Variants in MBTD1 observed in about 807,000 individuals in gnomAD.
MBTD1 encodes MBT domain-containing protein 1.
In MBTD1, 24 loss-of-function variants were observed where a neutral mutation model predicts 87.8. The observed-to-expected ratio is 0.27, with a 90% confidence interval of 0.20 to 0.38. The LOEUF (loss-of-function observed/expected upper bound fraction) is 0.38, where lower values mean the gene tolerates loss of function less well. Ranked by LOEUF, MBTD1 falls within the 10% of genes least tolerant of loss-of-function variation. MBTD1 has a pLI of 1.00. For missense variants in MBTD1, 436 were observed against 760.2 expected (o/e 0.57, Z 5.02); for synonymous variants, 237 against 248.6 (o/e 0.95, Z 0.44).
intron 2 of MBTD1, among the ~76,000 whole-genome samples, chr17:51,231,710 C>G (rs1345473672): frequency 6.6e-6 from 1 of 152,106 alleles, no homozygotes; most frequent in African/African-American, 2.4e-5. Context: ...TCTGACTGTC[C>G]TAAGTATTGG....
chr17:51,214,158 G>A (rs1366921170), intron 6 of MBTD1, among the ~76,000 whole-genome samples: 2 of 151,324 alleles, frequency 1.3e-5, no homozygotes, highest in Non-Finnish European at 2.9e-5. Context: ...GTAGAGACAA[G>A]GTCTTGCTAT....
rs1293980616 is a variant in MBTD1, at chr17:51,259,999, C to T, written c.-277G>A. The T allele has an allele frequency of 5.5e-6, 3 of 545,050 alleles. No homozygotes were observed. The highest frequency in any genetic ancestry group is 8.3e-6 in the Non-Finnish European group (3 of 361,082). The allele number at this position is 545,050 out of a possible 1,614,324, so 33.8% of individuals were successfully genotyped here. A position where few individuals can be genotyped will look rare whatever the true frequency, so the allele number is the denominator to read the frequency against. On this transcript the variant is annotated 5_prime_UTR_variant, in exon 1 of 17. Coordinates refer to ENST00000586178, the MANE Select transcript of MBTD1 (RefSeq NM_017643.3). ...CCAGACCGGTGGCGGGTGCAGCAGCCCCCGGATTTCCCCCCTTTAACTCGG... is the reference window on the plus strand; with the variant it reads ...CCAGACCGGTGGCGGGTGCAGCAGCTCCCGGATTTCCCCCCTTTAACTCGG...
chr17:51,233,935 T>C (rs903866043), intron 2 of MBTD1, among the ~76,000 whole-genome samples: 1 of 151,464 alleles, frequency 6.6e-6, no homozygotes, highest in East Asian at 1.9e-4. Flanking sequence ...AGAAAATCTA[T>C]ACTCAAAGCT....
chr17:51,217,116 A>G (rs905490630), intron 6 of MBTD1, among the ~76,000 whole-genome samples: 3 of 152,158 alleles, frequency 2.0e-5, no homozygotes, highest in South Asian at 2.1e-4. Flanking sequence ...CCTGTTTAAA[A>G]TAACTTCAAA....
At chr17:51,251,393 G>C (rs2054773554) in intron 2 of MBTD1, 2 of 152,014 alleles carry the variant, frequency 1.3e-5, no homozygotes, top group African/African-American at 4.8e-5. Context: ...TCCCTTATGA[G>C]GCAATGCTTA....
At chr17:51,250,676 C>T (rs538424541) in intron 2 of MBTD1, 1 of 152,196 alleles carries the variant, frequency 6.6e-6, no homozygotes, top group African/African-American at 2.4e-5. Flanking sequence ...TACAGCTTTA[C>T]TAGGAAATAT....
chr17:51,259,181 G>T lies in MBTD1; in HGVS notation c.-87C>A, dbSNP rs955064535. The T allele has an allele frequency of 2.3e-5, 24 of 1,063,156 alleles. No homozygotes were observed. In the East Asian group the frequency reaches 6.5e-4, roughly 29 times the overall value. The allele number at this position is 1,063,156 out of a possible 1,614,324, so 65.9% of individuals were successfully genotyped here. A position where few individuals can be genotyped will look rare whatever the true frequency, so the allele number is the denominator to read the frequency against. On this transcript the variant is annotated 5_prime_UTR_variant, in exon 2 of 17. Coordinates refer to ENST00000586178, the MANE Select transcript of MBTD1 (RefSeq NM_017643.3). ...GGCTGCAGAGGGGACGGCTGCTTTG[G>T]ATGACCTCTAATGTCTCTTCCGACT...
intron 2 of MBTD1, among the ~76,000 whole-genome samples, chr17:51,247,436 TATTAC>T (rs1186796961): frequency 7.6e-6 from 1 of 130,918 alleles, no homozygotes; most frequent in Admixed American, 8.2e-5. Flanking sequence ...AAGAAATCAG[TATTAC>T]TTTTTTTTTT....
chr17:51,178,382 G>A lies in MBTD1; in HGVS notation c.*2194C>T, dbSNP rs1212751208. The A allele has an allele frequency of 4.6e-5, 7 of 152,182 alleles. No individual in the cohort carries two copies. The highest frequency in any genetic ancestry group is 7.3e-5 in the Non-Finnish European group (5 of 68,056). 9.4% of individuals were successfully genotyped at this position (152,182 alleles called of 1,614,324 possible). On this transcript the variant is annotated 3_prime_UTR_variant, in exon 17 of 17. Transcript: ENST00000586178. Reference sequence around the variant, plus strand: ...ATTAGGAAATTCTAAAACACTCAGAGCCTGGGTTTGCTATAGAATTGGAAG... The same window carrying A: ...ATTAGGAAATTCTAAAACACTCAGAACCTGGGTTTGCTATAGAATTGGAAG...
At chr17:51,212,438 CTTTTTT>C (rs59653419) in intron 6 of MBTD1, among the ~76,000 whole-genome samples, 4 of 136,264 alleles carry the variant, frequency 2.9e-5, no homozygotes, top group African/African-American at 1.1e-4. Context: ...GTACAAATGA[CTTTTTT>C]TTTTTTTTTT....
chr17:51,234,602 T>G (rs2053729204), intron 2 of MBTD1, among the ~76,000 whole-genome samples: 1 of 152,168 alleles, frequency 6.6e-6, no homozygotes, highest in South Asian at 2.1e-4. Flanking sequence ...AAAAACTAAA[T>G]TTGTTAAAGA....
At position 51,180,513 on chromosome 17, in the gene MBTD1, G is replaced by A; in HGVS notation, c.*63C>T. ...AGTAGAGTAGCCCCCTGTACAGCTG[G>A]ATTGATTATAAATCAGTCCTGTGTA... On this transcript the variant is annotated 3_prime_UTR_variant, in exon 17 of 17. Transcript: ENST00000586178. 1 of 805,484 alleles carries A rather than the reference G, an allele frequency of 1.2e-6. No individual in the cohort carries two copies. The highest frequency in any genetic ancestry group is 2.0e-6 in the Non-Finnish European group (1 of 495,854). The allele number at this position is 805,484 out of a possible 1,614,324, so 49.9% of individuals were successfully genotyped here.
Position 51,179,923 on chromosome 17 carries a change from T to C in MBTD1, c.*653A>G, listed in dbSNP as rs1030874645. 27 of 152,134 alleles carry C rather than the reference T, an allele frequency of 1.8e-4. No individual in the cohort carries two copies. Among genetic ancestry groups the C allele is most frequent in the Admixed American group, 1.8e-3 (27 of 15,264 alleles). 9.4% of individuals were successfully genotyped at this position (152,134 alleles called of 1,614,324 possible). On this transcript the variant is annotated 3_prime_UTR_variant, in exon 17 of 17. Coordinates refer to ENST00000586178, the MANE Select transcript of MBTD1 (RefSeq NM_017643.3). ...TCATTTTTTTAATTAAAAGAGAACA[T>C]ATAAAAGTATCCAGAGTTCTTCCAG...
At chr17:51,260,948 G>T (rs374587954), upstream of MBTD1, 1,894 of 1,505,972 alleles carry the variant, frequency 1.3e-3, 12 homozygotes, top group South Asian at 0.011. Context: ...CGCGGCGCGC[G>T]GGCTGGGCGC....
intron 2 of MBTD1, among the ~76,000 whole-genome samples, chr17:51,244,029 T>C (rs1240452031): frequency 6.6e-6 from 1 of 152,206 alleles, no homozygotes; most frequent in Non-Finnish European, 1.5e-5. Flanking sequence ...GATTACTTTG[T>C]TAAGGTGTAG....
chr17:51,228,291 T>C (rs2053346124), intron 2 of MBTD1, among the ~76,000 whole-genome samples: 1 of 152,022 alleles, frequency 6.6e-6, no homozygotes, highest in Admixed American at 6.6e-5. Context: ...AGGCTTAGTA[T>C]CTGGGTGATG....
chr17:51,195,429 A>G (rs1032717056), intron 12 of MBTD1, 68 bp from the exon 13 acceptor site: 3 of 1,298,304 alleles, frequency 2.3e-6, no homozygotes, highest in African/African-American at 3.0e-5. Flanking sequence ...ATACTTTGAC[A>G]TTCTAAAAGA....
chr17:51,185,908 A>G (rs1401080080), intron 16 of MBTD1: 1 of 152,666 alleles, frequency 6.6e-6, no homozygotes, highest in Admixed American at 6.5e-5. Context: ...GTTGAAAGAA[A>G]AAGAAAAAAA....
chr17:51,211,312 C>T (rs896198701), intron 6 of MBTD1, among the ~76,000 whole-genome samples: 3 of 151,416 alleles, frequency 2.0e-5, no homozygotes, highest in African/African-American at 4.9e-5. Context: ...GACAACATGG[C>T]GAAACCCCGT....
Sources: gnomAD v4.1 joint callset for allele counts (sites outside exome capture counted in the v4.1 genomes callset) on GRCh38, gnomAD v4.1.1 for gene constraint, MANE v1.5 for transcripts, NCBI Gene and HGNC (gene_info 2026-07-23, HGNC 2026-07-21) for gene names.